MCF2L2: variants seen among roughly 807,000 people sequenced by gnomAD.
MCF2L2 encodes the protein probable guanine nucleotide exchange factor MCF2L2.
Under a neutral mutation model 150.2 loss-of-function variants are expected in MCF2L2, and 102 were observed. That is an observed-to-expected ratio of 0.68 (90% confidence interval 0.58 to 0.80). MCF2L2 has a LOEUF of 0.80. Ranked by LOEUF, MCF2L2 falls within the 30% of genes least tolerant of loss-of-function variation. The probability of loss-of-function intolerance (pLI) is 0.00; values close to 1 mark genes in which losing one functional copy is unlikely to be tolerated. For synonymous variants in MCF2L2, 465 were observed against 491.3 expected (o/e 0.95, Z 0.71); for missense variants, 1,256 against 1,372.8 (o/e 0.91, Z 1.34).
chr3:183,226,313 C>T (rs1723341543), intron 18 of MCF2L2: 1 of 152,184 alleles, frequency 6.6e-6, no homozygotes, highest in African/African-American at 2.4e-5. Context: ...CGTGGTGGCA[C>T]ATGCCTGTAA....
chr3:183,203,388 T>C (rs1191826580), intron 25 of MCF2L2, among the ~76,000 whole-genome samples: 1 of 152,196 alleles, frequency 6.6e-6, no homozygotes, highest in African/African-American at 2.4e-5. Context: ...TATAAAGATT[T>C]GTTTTAAAGG....
intron 22 of MCF2L2, among the ~76,000 whole-genome samples, chr3:183,208,509 C>T (rs1377404505): frequency 6.6e-6 from 1 of 152,206 alleles, no homozygotes; most frequent in Non-Finnish European, 1.5e-5. Flanking sequence ...AGCAAGGCTG[C>T]CTTTGTCATA....
rs766169811 is a variant in MCF2L2, at chr3:183,427,591, C to T, written c.76+311G>A. On this transcript the variant is annotated intron_variant, in intron 1 of 29. Coordinates refer to ENST00000328913, the MANE Select transcript of MCF2L2 (RefSeq NM_015078.4). ...AACCAGAACATAACTTCCCACCCAC[C>T]CTACTCCCGTCAGAAGCAGCTAACG... 5.9e-4 allele frequency among the ~76,000 whole-genome samples: 88 copies of T among 149,186 alleles called. 1 individual carries two copies. The highest frequency in any genetic ancestry group is 2.1e-4 in the Non-Finnish European group (14 of 68,032).
chr3:183,294,816 G>T (rs1039392515), intron 13 of MCF2L2, among the ~76,000 whole-genome samples: 1 of 151,888 alleles, frequency 6.6e-6, no homozygotes, highest in African/African-American at 2.4e-5. Context: ...TTTTAGTATA[G>T]ATGGGGTTTC....
chr3:183,223,197 T>TA, intron 20 of MCF2L2, 149 bp downstream of exon 20: 2 of 602,420 alleles, frequency 3.3e-6, no homozygotes, highest in East Asian at 5.5e-5. Flanking sequence ...AGGGCTGATT[T>TA]AGAGTTGGAG....
rs1722903332 is a variant in MCF2L2 at position 183,216,186 on chromosome 3, C to A, written c.2371-92G>T. The A allele has an allele frequency of 1.0e-5, 14 of 1,381,996 alleles. No homozygotes were observed. The Middle Eastern group carries it at 1.1e-3, about 108-fold the overall frequency. The allele number at this position is 1,381,996 out of a possible 1,614,324, so 85.6% of individuals were successfully genotyped here. ...GGACAGAGATGAGGAGCCAGGGATCCAGCCAACCCTGACTGAGAAGGGTGG... is the reference window on the plus strand; with the variant it reads ...GGACAGAGATGAGGAGCCAGGGATCAAGCCAACCCTGACTGAGAAGGGTGG... On this transcript the variant is annotated intron_variant, in intron 21 of 29. Transcript: ENST00000328913.
chr3:183,249,737 C>A (rs1000709201), intron 15 of MCF2L2, among the ~76,000 whole-genome samples: 1 of 152,188 alleles, frequency 6.6e-6, no homozygotes. Context: ...GTGTCTCCAG[C>A]GTCAGCTTTT....
At chr3:183,238,408 C>T (rs1560359875) in intron 15 of MCF2L2, among the ~76,000 whole-genome samples, 1 of 151,928 alleles carries the variant, frequency 6.6e-6, no homozygotes, top group Non-Finnish European at 1.5e-5. Flanking sequence ...AATTCCCCTG[C>T]CTCAGACTCC....
intron 13 of MCF2L2, among the ~76,000 whole-genome samples, chr3:183,295,052 C>T (rs142889942): frequency 9.2e-5 from 14 of 152,290 alleles, no homozygotes; most frequent in South Asian, 4.1e-4. Context: ...CGTGAGCTAC[C>T]GCACCCGGCC....
chr3:183,359,778 G>C (rs530411330), intron 3 of MCF2L2, among the ~76,000 whole-genome samples: 17 of 152,304 alleles, frequency 1.1e-4, no homozygotes, highest in African/African-American at 3.1e-4. Context: ...GGAACACAGT[G>C]ACTAAAGACA....
chr3:183,249,944 CAG>C (rs1724440169), intron 15 of MCF2L2, among the ~76,000 whole-genome samples: 1 of 152,164 alleles, frequency 6.6e-6, no homozygotes, highest in South Asian at 2.1e-4. Flanking sequence ...CTGAGAGACT[CAG>C]AGAAGAGCAG....
chr3:183,391,002 C>T (rs1045442706), intron 1 of MCF2L2, among the ~76,000 whole-genome samples: 4 of 152,146 alleles, frequency 2.6e-5, no homozygotes, highest in African/African-American at 7.2e-5. Context: ...AACCAAACAA[C>T]CTGTGCTCTG....
chr3:183,420,467 G>A (rs1004041151), intron 1 of MCF2L2, among the ~76,000 whole-genome samples: 13 of 152,010 alleles, frequency 8.6e-5, no homozygotes, highest in African/African-American at 2.2e-4. Context: ...GCGTTGTGGC[G>A]GTCACCTGTA....
chr3:183,323,161 A>G (rs1416660622), intron 6 of MCF2L2, 74 bp downstream of exon 6: 1 of 1,076,260 alleles, frequency 9.3e-7, no homozygotes. Context: ...CTGGCAGTTG[A>G]TCTTTAACTC....
chr3:183,240,784 A>C (rs976211287), intron 15 of MCF2L2, among the ~76,000 whole-genome samples: 3 of 151,990 alleles, frequency 2.0e-5, no homozygotes, highest in Non-Finnish European at 4.4e-5. Context: ...CATCTGACCC[A>C]CTCCTTTTAG....
At chr3:183,209,613 C>T (rs752422448) in intron 22 of MCF2L2, among the ~76,000 whole-genome samples, 1 of 152,102 alleles carries the variant, frequency 6.6e-6, no homozygotes, top group Non-Finnish European at 1.5e-5. Flanking sequence ...CTCATCCTCC[C>T]GAGTAGCTTG....
chr3:183,245,315 C>G (rs1008294076), intron 15 of MCF2L2, among the ~76,000 whole-genome samples: 1 of 152,176 alleles, frequency 6.6e-6, no homozygotes. Context: ...CTATCCTCTA[C>G]AAGAGGTACA....
At chr3:183,424,703 C>T (rs569105872) in intron 1 of MCF2L2, among the ~76,000 whole-genome samples, 1 of 152,132 alleles carries the variant, frequency 6.6e-6, no homozygotes, top group Non-Finnish European at 1.5e-5. Flanking sequence ...AGTCAGGAGT[C>T]ATCATGTCCC....
intron 18 of MCF2L2, 110 bp downstream of exon 18, chr3:183,228,187 G>A: frequency 1.3e-6 from 1 of 749,752 alleles, no homozygotes; most frequent in East Asian, 2.6e-5. Flanking sequence ...GGAGTCGGAG[G>A]GAAGCAGATA....
Sources: gnomAD v4.1 joint callset for allele counts (sites outside exome capture counted in the v4.1 genomes callset) on GRCh38, gnomAD v4.1.1 for gene constraint, MANE v1.5 for transcripts, NCBI Gene and HGNC (gene_info 2026-07-23, HGNC 2026-07-21) for gene names.